CLVS1: variants seen among roughly 807,000 people sequenced by gnomAD.
The protein encoded by CLVS1 is clavesin 1.
In CLVS1, 10 loss-of-function variants were observed where a neutral mutation model predicts 33.1. The ratio of observed to expected loss-of-function variants is 0.30; its 90% CI spans 0.19 to 0.51. The LOEUF (loss-of-function observed/expected upper bound fraction) is 0.51. Among genes scored for constraint, CLVS1 ranks in the 20% least tolerant of loss-of-function variants. The pLI is 0.97. For missense variants in CLVS1, 343 were observed against 433.4 expected, an observed-to-expected ratio of 0.79 and a Z score of 1.85; for synonymous variants, 163 against 166.1, an observed-to-expected ratio of 0.98 and a Z score of 0.14.
At chr8:60,977,007 C>T in the CLVS1 span, among the ~76,000 whole-genome samples, 2 of 152,238 alleles carry the variant, frequency 1.3e-5, no homozygotes, top group Admixed American at 1.3e-4. Flanking sequence ...GCTAGTTTCA[C>T]TCCTCCAAAC....
chr8:61,119,635 T>G (rs1436730017), intron 1 of CLVS1, among the ~76,000 whole-genome samples: 1 of 149,560 alleles, frequency 6.7e-6, no homozygotes, highest in Non-Finnish European at 1.5e-5. Context: ...CTTATGAAGC[T>G]TAGTTTGGCT....
At chr8:61,194,365 T>C (rs911059193) in intron 2 of CLVS1, among the ~76,000 whole-genome samples, 2 of 149,958 alleles carry the variant, frequency 1.3e-5, no homozygotes, top group Non-Finnish European at 2.9e-5. Flanking sequence ...AAGAAATGTA[T>C]GTTAGCCAAA....
intron 2 of CLVS1, among the ~76,000 whole-genome samples, chr8:61,309,879 C>T (rs965336808): frequency 2.6e-5 from 4 of 152,218 alleles, no homozygotes; most frequent in African/African-American, 9.6e-5. Context: ...AATAAGCCCA[C>T]TGATTGAGGT....
At chr8:61,386,481 T>G (rs1814089082) in intron 3 of CLVS1, among the ~76,000 whole-genome samples, 1 of 152,172 alleles carries the variant, frequency 6.6e-6, no homozygotes, top group Admixed American at 6.5e-5. Flanking sequence ...AGAATTCTGA[T>G]GCAAATGCCA....
chr8:60,984,272 C>A, the CLVS1 span, among the ~76,000 whole-genome samples: 7 of 152,024 alleles, frequency 4.6e-5, no homozygotes, highest in African/African-American at 1.7e-4. Context: ...TCCTCACTTA[C>A]AAAGAGTCAA....
At chr8:61,209,823 A>ATCT (rs5891795) in intron 2 of CLVS1, among the ~76,000 whole-genome samples, 44,648 of 151,976 alleles carry the variant, frequency 0.29, 6,813 homozygotes, top group African/African-American at 0.35. Context: ...TCCTTGTACA[A>ATCT]TCTTTTGAGT....
chr8:61,460,518 A>G (rs924987150), intron 5 of CLVS1, among the ~76,000 whole-genome samples: 2 of 152,258 alleles, frequency 1.3e-5, no homozygotes, highest in African/African-American at 4.8e-5. Context: ...CCAAATCAGG[A>G]CTGAAAGGTA....
chr8:61,319,206 A>G (rs1056995954), intron 2 of CLVS1, among the ~76,000 whole-genome samples: 16 of 152,140 alleles, frequency 1.1e-4, no homozygotes, highest in African/African-American at 3.9e-4. Context: ...GATCTTCTAC[A>G]GAGTCTCTAA....
intron 1 of CLVS1, among the ~76,000 whole-genome samples, chr8:61,067,838 TG>T (rs1359986773): frequency 1.3e-5 from 2 of 151,740 alleles, no homozygotes; most frequent in Admixed American, 6.6e-5. Context: ...GGAGGGAAAG[TG>T]GGGGTCAAGG....
intron 2 of CLVS1, among the ~76,000 whole-genome samples, chr8:61,364,838 T>A (rs779660367): frequency 6.6e-6 from 1 of 152,250 alleles, no homozygotes; most frequent in Non-Finnish European, 1.5e-5. Context: ...GTAGGCAATT[T>A]CCTGAGTTAA....
intron 5 of CLVS1, among the ~76,000 whole-genome samples, chr8:61,469,319 G>T (rs1389663025): frequency 6.6e-6 from 1 of 152,138 alleles, no homozygotes; most frequent in Non-Finnish European, 1.5e-5. Context: ...ACCTACTTCT[G>T]ATTCTTATGG....
intron 3 of CLVS1, among the ~76,000 whole-genome samples, chr8:61,387,171 TG>T (rs1288775570): frequency 1.3e-5 from 2 of 152,194 alleles, no homozygotes; most frequent in African/African-American, 4.8e-5. Context: ...GCAGATCACC[TG>T]AGGTCAGGAG....
intron 1 of CLVS1, chr8:61,291,981 C>A (rs1810009492): frequency 1.6e-5 from 3 of 182,542 alleles, no homozygotes; most frequent in South Asian, 1.1e-4. Context: ...AATTTGCATA[C>A]AAATTGCCTG....
intron 2 of CLVS1, among the ~76,000 whole-genome samples, chr8:61,347,727 A>G (rs1273352866): frequency 1.4e-5 from 2 of 140,114 alleles, no homozygotes; most frequent in African/African-American, 5.3e-5. Flanking sequence ...GCTAATTAAC[A>G]TGGGACTTGG....
chr8:61,168,950 T>G (rs1477387798), intron 2 of CLVS1, among the ~76,000 whole-genome samples: 1 of 152,282 alleles, frequency 6.6e-6, no homozygotes, highest in Non-Finnish European at 1.5e-5. Context: ...AATTTTCTTT[T>G]GCTTCCATAG....
At chr8:61,352,037 C>A (rs776273422) in intron 2 of CLVS1, among the ~76,000 whole-genome samples, 27 of 151,942 alleles carry the variant, frequency 1.8e-4, no homozygotes, top group Non-Finnish European at 2.8e-4. Context: ...AATAAACTAT[C>A]TTTTATCTCA....
intron 2 of CLVS1, among the ~76,000 whole-genome samples, chr8:61,364,275 A>G (rs1813101584): frequency 1.3e-5 from 2 of 152,172 alleles, no homozygotes; most frequent in African/African-American, 4.8e-5. Flanking sequence ...TAGTGTAGTC[A>G]GTGGTCAGGG....
chr8:61,438,138 A>AG (rs1290349086), intron 3 of CLVS1, among the ~76,000 whole-genome samples: 1 of 152,192 alleles, frequency 6.6e-6, no homozygotes, highest in Non-Finnish European at 1.5e-5. Context: ...TATTAAGCCC[A>AG]GCATGCATTA....
At chr8:61,115,233 A>T (rs893757421) in intron 1 of CLVS1, among the ~76,000 whole-genome samples, 3 of 152,178 alleles carry the variant, frequency 2.0e-5, no homozygotes, top group Non-Finnish European at 2.9e-5. Flanking sequence ...GCTGATAATA[A>T]CCATTTCTCA....
Sources: gnomAD v4.1 joint callset for allele counts (sites outside exome capture counted in the v4.1 genomes callset) on GRCh38, gnomAD v4.1.1 for gene constraint, MANE v1.5 for transcripts, NCBI Gene and HGNC (gene_info 2026-07-23, HGNC 2026-07-21) for gene names.